Variants in HIVEP1 observed in about 807,000 individuals in gnomAD.
HIVEP1 encodes the protein zinc finger protein 40.
A neutral mutation model predicts 180.0 loss-of-function variants in HIVEP1; 36 were observed. The ratio of observed to expected loss-of-function variants is 0.20; its 90% CI spans 0.15 to 0.26. HIVEP1 has a LOEUF of 0.26. Ranked by LOEUF, HIVEP1 falls within the 10% of genes least tolerant of loss-of-function variation. The probability of loss-of-function intolerance (pLI) is 1.00; values close to 1 mark genes in which losing one functional copy is unlikely to be tolerated. For missense variants in HIVEP1, 3,143 were observed against 3,268.7 expected, an observed-to-expected ratio of 0.96 and a Z score of 0.94; for synonymous variants, 1,239 against 1,239.0, an observed-to-expected ratio of 1.00 and a Z score of 0.00.
intron 2 of HIVEP1, among the ~76,000 whole-genome samples, chr6:12,073,649 A>G (rs1264733647): frequency 3.3e-5 from 5 of 152,178 alleles, no homozygotes; most frequent in African/African-American, 1.2e-4. Context: ...GTCACTCTCC[A>G]GCACTTTCAT....
In HIVEP1 at chr6:12,082,501, G is replaced by A. The variant is rs188776831; in HGVS notation, c.41-6683G>A. Reference sequence around the variant, plus strand: ...AGGGTTTTCTAAGATCTTGATACCCGCGGTCAAATTTTTTCATAGAAAGCC... The same window carrying A: ...AGGGTTTTCTAAGATCTTGATACCCACGGTCAAATTTTTTCATAGAAAGCC... On this transcript the variant is annotated intron_variant, in intron 2 of 8. Coordinates refer to ENST00000379388, the MANE Select transcript of HIVEP1 (RefSeq NM_002114.4). Among the ~76,000 whole-genome samples, 103 of 152,084 alleles carry A rather than the reference G, an allele frequency of 6.8e-4. 1 individual carries two copies. The highest frequency in any genetic ancestry group is 2.2e-3 in the African/African-American group (92 of 41,502).
chr6:12,167,137 C>A (rs542434962), downstream of HIVEP1, among the ~76,000 whole-genome samples: 2 of 152,070 alleles, frequency 1.3e-5, no homozygotes, highest in Admixed American at 1.3e-4. Flanking sequence ...ATAATATAGA[C>A]CTGATTTTCC....
At chr6:12,019,214 T>G (rs964593547) in intron 2 of HIVEP1, among the ~76,000 whole-genome samples, 2 of 151,634 alleles carry the variant, frequency 1.3e-5, no homozygotes, top group Admixed American at 1.3e-4. Context: ...GGGACGGGAG[T>G]GAAGCTCTAG....
chr6:12,158,564 G>A (rs543463707), intron 7 of HIVEP1, among the ~76,000 whole-genome samples: 11 of 152,112 alleles, frequency 7.2e-5, no homozygotes, highest in Non-Finnish European at 1.3e-4. Context: ...GAGGAGGATG[G>A]GGTGCTGTCT....
chr6:12,127,936 A>G (rs955419014), intron 4 of HIVEP1, among the ~76,000 whole-genome samples: 4 of 152,232 alleles, frequency 2.6e-5, no homozygotes, highest in Non-Finnish European at 4.4e-5. Context: ...GCTTTTATCC[A>G]CAACTCAAAT....
the HIVEP1 span, among the ~76,000 whole-genome samples, chr6:12,181,637 A>G: frequency 6.6e-6 from 1 of 152,176 alleles, no homozygotes; most frequent in Non-Finnish European, 1.5e-5. Context: ...GTAATCCAAA[A>G]GAAAAGTATT....
the HIVEP1 span, among the ~76,000 whole-genome samples, chr6:12,175,201 G>A: frequency 5.3e-3 from 801 of 152,174 alleles, no homozygotes; most frequent in Middle Eastern, 0.014. Context: ...ATTAATATTC[G>A]TATCTAATTA....
At chr6:12,112,977 G>C (rs1026648088) in intron 3 of HIVEP1, among the ~76,000 whole-genome samples, 2 of 152,006 alleles carry the variant, frequency 1.3e-5, no homozygotes, top group African/African-American at 4.8e-5. Context: ...TTCCCTATCA[G>C]CTTAAAGCCC....
chr6:12,163,199 G>A, intron 8 of HIVEP1, 84 bp from the exon 9 acceptor site: 2 of 966,744 alleles, frequency 2.1e-6, no homozygotes, highest in East Asian at 2.4e-5. Flanking sequence ...ATCTCATTGT[G>A]AAGAAATAGA....
chr6:12,044,367 T>G (rs953746328), intron 2 of HIVEP1, among the ~76,000 whole-genome samples: 5 of 152,216 alleles, frequency 3.3e-5, no homozygotes, highest in African/African-American at 1.2e-4. Context: ...ATATTTTCAG[T>G]TGAATTTTAA....
intron 2 of HIVEP1, among the ~76,000 whole-genome samples, chr6:12,080,225 G>T (rs901273780): frequency 8.5e-5 from 13 of 152,256 alleles, no homozygotes; most frequent in African/African-American, 2.9e-4. Flanking sequence ...CTGGGCTCCT[G>T]TGGGCTCTGA....
intron 2 of HIVEP1, among the ~76,000 whole-genome samples, chr6:12,018,448 C>T (rs1384823073): frequency 6.6e-6 from 1 of 152,198 alleles, no homozygotes; most frequent in Admixed American, 6.5e-5. Context: ...CTCATTACTA[C>T]CTTCATGTAC....
chr6:12,170,432 G>C, the HIVEP1 span, among the ~76,000 whole-genome samples: 1 of 152,084 alleles, frequency 6.6e-6, no homozygotes, highest in Non-Finnish European at 1.5e-5. Context: ...TCCCTACGGC[G>C]TGCCATCTAT....
At chr6:12,060,989 A>C (rs1561900692) in intron 2 of HIVEP1, among the ~76,000 whole-genome samples, 2 of 152,110 alleles carry the variant, frequency 1.3e-5, no homozygotes, top group African/African-American at 4.8e-5. Context: ...GAGGACTTCC[A>C]GGAGGCAGCC....
chr6:12,069,629 G>T (rs1457003305), intron 2 of HIVEP1, among the ~76,000 whole-genome samples: 1 of 150,256 alleles, frequency 6.7e-6, no homozygotes, highest in Non-Finnish European at 1.5e-5. Context: ...GCTAGATGAC[G>T]AGTTAGTGGG....
downstream of HIVEP1, among the ~76,000 whole-genome samples, chr6:12,169,205 G>C (rs985037990): frequency 2.0e-5 from 3 of 151,866 alleles, no homozygotes; most frequent in African/African-American, 7.3e-5. Flanking sequence ...TTTTATTTAG[G>C]ATATTTTCAA....
At chr6:12,169,449 A>T (rs185931905), downstream of HIVEP1, among the ~76,000 whole-genome samples, 1 of 152,322 alleles carries the variant, frequency 6.6e-6, no homozygotes, top group East Asian at 1.9e-4. Flanking sequence ...GAAAACGCCC[A>T]GACATCCAAA....
upstream of HIVEP1, among the ~76,000 whole-genome samples, chr6:12,010,743 C>T (rs1028015115): frequency 2.6e-5 from 4 of 152,222 alleles, no homozygotes; most frequent in Non-Finnish European, 5.9e-5. Flanking sequence ...TTCTTTAGGT[C>T]TAACCCTGAA....
At chr6:12,206,702 A>G in the HIVEP1 span, among the ~76,000 whole-genome samples, 1 of 152,174 alleles carries the variant, frequency 6.6e-6, no homozygotes, top group Non-Finnish European at 1.5e-5. Flanking sequence ...TTGTTATGGC[A>G]GTCCTAGGGA....
Sources: allele counts gnomAD v4.1 joint callset (sites outside exome capture counted in the v4.1 genomes callset), GRCh38; gene constraint gnomAD v4.1.1; transcripts MANE v1.5; gene names NCBI Gene and HGNC (gene_info 2026-07-23, HGNC 2026-07-21).